TGFBR3: variants seen among roughly 807,000 people sequenced by gnomAD.
TGFBR3 encodes the protein transforming growth factor beta receptor 3.
A neutral mutation model predicts 87.9 loss-of-function variants in TGFBR3; 46 were observed. That is an observed-to-expected ratio of 0.52 (90% CI 0.41 to 0.67). The LOEUF (loss-of-function observed/expected upper bound fraction) is 0.67, where lower values mean the gene tolerates loss of function less well. Among genes scored for constraint, TGFBR3 ranks in the 30% least tolerant of loss-of-function variants. The pLI is 0.00. For missense variants in TGFBR3, 866 were observed against 1,041.9 expected (o/e 0.83, Z 2.32); for synonymous variants, 381 against 391.6 (o/e 0.97, Z 0.32).
intron 4 of TGFBR3, among the ~76,000 whole-genome samples, chr1:91,746,755 C>A (rs902140490): frequency 6.6e-6 from 1 of 151,784 alleles, no homozygotes; most frequent in Non-Finnish European, 1.5e-5. Context: ...GGCTGATAAT[C>A]TCAACTCCAT....
chr1:91,864,639 G>A (rs982805192), intron 1 of TGFBR3, among the ~76,000 whole-genome samples: 11 of 152,222 alleles, frequency 7.2e-5, no homozygotes, highest in African/African-American at 2.4e-4. Context: ...CAAAAGGGAA[G>A]TGTGTCATTC....
chr1:91,796,929 T>A (rs1675407534), intron 3 of TGFBR3, among the ~76,000 whole-genome samples: 1 of 151,968 alleles, frequency 6.6e-6, no homozygotes, highest in Non-Finnish European at 1.5e-5. Flanking sequence ...GAGGTCTTGC[T>A]ATGTTTCCCA....
intron 2 of TGFBR3, among the ~76,000 whole-genome samples, chr1:91,858,793 C>T (rs1210392377): frequency 2.0e-5 from 3 of 152,026 alleles, no homozygotes; most frequent in Non-Finnish European, 4.4e-5. Flanking sequence ...TGGTGGCTCA[C>T]ACCTGTAATC....
intron 16 of TGFBR3, among the ~76,000 whole-genome samples, chr1:91,687,770 G>A (rs1671137601): frequency 6.6e-6 from 1 of 152,178 alleles, no homozygotes; most frequent in Admixed American, 6.5e-5. Context: ...TGATTATGAG[G>A]ATTGGTTAGT....
intron 2 of TGFBR3, among the ~76,000 whole-genome samples, chr1:91,891,518 C>A (rs886753634): frequency 6.6e-6 from 1 of 151,412 alleles, no homozygotes; most frequent in East Asian, 1.9e-4. Flanking sequence ...AAAAAAAACT[C>A]GATTCTTTAA....
At chr1:91,825,695 T>C (rs1014235669) in intron 2 of TGFBR3, among the ~76,000 whole-genome samples, 3 of 152,230 alleles carry the variant, frequency 2.0e-5, no homozygotes, top group African/African-American at 7.2e-5. Context: ...AATAGTCCAC[T>C]TGTGGTTAGG....
intron 1 of TGFBR3, among the ~76,000 whole-genome samples, chr1:91,879,140 C>T (rs972614839): frequency 1.3e-5 from 2 of 151,778 alleles, no homozygotes; most frequent in African/African-American, 4.8e-5. Context: ...GTGGTGGCCC[C>T]CGCCTGTAAT....
At chr1:91,740,184 C>T (rs888112200) in intron 4 of TGFBR3, among the ~76,000 whole-genome samples, 1 of 152,040 alleles carries the variant, frequency 6.6e-6, no homozygotes, top group African/African-American at 2.4e-5. Flanking sequence ...CTTAGCCTCC[C>T]GAGTAGCTGG....
intron 1 of TGFBR3, among the ~76,000 whole-genome samples, chr1:91,903,407 T>C (rs1266540421): frequency 1.1e-4 from 16 of 145,874 alleles, no homozygotes; most frequent in African/African-American, 4.1e-4. Flanking sequence ...AAAGAATTTA[T>C]CATTCAGATA....
upstream of TGFBR3, chr1:91,886,346 G>T (rs1002120984): frequency 6.9e-5 from 25 of 360,712 alleles, no homozygotes; most frequent in African/African-American, 5.2e-4. Context: ...CTTTGCCTCC[G>T]CGGCTGATGG....
At position 91,733,119 on chromosome 1, in the gene TGFBR3, G is replaced by A. The variant is rs373134292; in HGVS notation, c.568+1657C>T. Among the ~76,000 whole-genome samples, 8 of 152,136 alleles carry A rather than the reference G, an allele frequency of 5.3e-5. No homozygotes were observed. The East Asian group carries it at 7.7e-4, about 15-fold the overall frequency. The stretch of plus-strand genomic sequence containing the variant: ...TCATGAGAGTACAGAAACAAACTTA[G>A]ACTTTTTGAGCCCAGCCCTCCTCTA... On this transcript the variant is annotated intron_variant, in intron 5 of 16. Coordinates refer to ENST00000212355, the MANE Select transcript of TGFBR3 (RefSeq NM_003243.5).
At chr1:91,756,179 C>T (rs569686571) in intron 4 of TGFBR3, among the ~76,000 whole-genome samples, 80 of 152,276 alleles carry the variant, frequency 5.3e-4, no homozygotes, top group Admixed American at 1.6e-3. Context: ...CTACTAAGCA[C>T]CTGAAATGTG....
At chr1:91,834,258 C>T (rs1214041755) in intron 2 of TGFBR3, among the ~76,000 whole-genome samples, 6 of 152,162 alleles carry the variant, frequency 3.9e-5, no homozygotes, top group Admixed American at 1.3e-4. Flanking sequence ...ATGGTGTCTC[C>T]CGCCTTCAAT....
chr1:91,713,448 C>T (rs1451248945), intron 12 of TGFBR3, among the ~76,000 whole-genome samples: 1 of 152,168 alleles, frequency 6.6e-6, no homozygotes, highest in Non-Finnish European at 1.5e-5. Context: ...GCATGAACTG[C>T]CCCTCCCTGC....
intron 3 of TGFBR3, among the ~76,000 whole-genome samples, chr1:91,763,199 A>G (rs1674037762): frequency 6.6e-6 from 1 of 152,250 alleles, no homozygotes; most frequent in Admixed American, 6.5e-5. Flanking sequence ...TATAGATGCA[A>G]GGCATTTCTA....
intron 16 of TGFBR3, among the ~76,000 whole-genome samples, chr1:91,695,111 T>C (rs1571413824): frequency 3.2e-5 from 1 of 31,386 alleles, no homozygotes; most frequent in African/African-American, 7.2e-5. Flanking sequence ...GTTTCATCAC[T>C]TTTTTTTTTT....
chr1:91,747,741 T>C (rs887324189), intron 4 of TGFBR3, among the ~76,000 whole-genome samples: 1 of 152,186 alleles, frequency 6.6e-6, no homozygotes, highest in Admixed American at 6.5e-5. Context: ...GAAGGGAGAT[T>C]GTATCAGATA....
chr1:91,872,600 T>C (rs1163364527), intron 1 of TGFBR3, among the ~76,000 whole-genome samples: 1 of 152,208 alleles, frequency 6.6e-6, no homozygotes, highest in African/African-American at 2.4e-5. Flanking sequence ...GAAGGGACTG[T>C]GTAACCAGAC....
chr1:91,895,348 C>T lies in TGFBR3; in HGVS notation c.-114+4289G>A, dbSNP rs78401988. On this transcript the variant is annotated intron_variant, in intron 2 of 17. Transcript: ENST00000370399. ...GCTTCCACCATGTGAAACACCTGCT[C>T]CTCCTTCACCTTCTGCCAAGATTGG... is the stretch of plus-strand genomic sequence containing the variant. Among the ~76,000 whole-genome samples the T allele has an allele frequency of 2.8e-3, 420 of 152,310 alleles. 2 individuals carry two copies. Among genetic ancestry groups the T allele is most frequent in the African/African-American group, 9.8e-3 (407 of 41,564 alleles).
Sources: allele counts gnomAD v4.1 joint callset (sites outside exome capture counted in the v4.1 genomes callset), GRCh38; gene constraint gnomAD v4.1.1; transcripts MANE v1.5; gene names NCBI Gene and HGNC (gene_info 2026-07-23, HGNC 2026-07-21).